RSPO2: variants seen among roughly 807,000 people sequenced by gnomAD.
RSPO2 encodes the protein R-spondin-2.
Under a neutral mutation model 30.9 loss-of-function variants are expected in RSPO2, and 14 were observed. That is an observed-to-expected ratio of 0.45 (90% CI 0.30 to 0.71). RSPO2 has a LOEUF of 0.71. Among genes scored for constraint, RSPO2 ranks in the 30% least tolerant of loss-of-function variants. The pLI is 0.08. For missense variants in RSPO2, 264 were observed against 301.9 expected, an observed-to-expected ratio of 0.87 and a Z score of 0.93; for synonymous variants, 107 against 96.4, an observed-to-expected ratio of 1.11 and a Z score of -0.64.
At chr8:108,008,005 G>A (rs1815511226) in intron 2 of RSPO2, among the ~76,000 whole-genome samples, 1 of 152,028 alleles carries the variant, frequency 6.6e-6, no homozygotes, top group Non-Finnish European at 1.5e-5. Context: ...AAAAAACAGA[G>A]CTAATCACTA....
intron 3 of RSPO2, among the ~76,000 whole-genome samples, chr8:107,962,802 C>T (rs1263656712): frequency 6.6e-6 from 1 of 151,994 alleles, no homozygotes; most frequent in Non-Finnish European, 1.5e-5. Flanking sequence ...AAAAAAAGCT[C>T]TTCTACTTAA....
At chr8:107,954,528 CT>C (rs948929619) in intron 5 of RSPO2, among the ~76,000 whole-genome samples, 1 of 152,120 alleles carries the variant, frequency 6.6e-6, no homozygotes, top group African/African-American at 2.4e-5. Flanking sequence ...GTCATTCACT[CT>C]TTTTTTCCAC....
chr8:108,045,214 C>T (rs1811876090), intron 2 of RSPO2, among the ~76,000 whole-genome samples: 1 of 151,926 alleles, frequency 6.6e-6, no homozygotes, highest in African/African-American at 2.4e-5. Flanking sequence ...CTATGAGGAA[C>T]TTAAACAATT....
chr8:108,053,104 G>T (rs561104687), intron 2 of RSPO2, among the ~76,000 whole-genome samples: 1 of 152,194 alleles, frequency 6.6e-6, no homozygotes, highest in South Asian at 2.1e-4. Flanking sequence ...TCAACTGGGG[G>T]ACTGAGTGTA....
At chr8:107,930,412 C>T (rs1008862779) in intron 5 of RSPO2, among the ~76,000 whole-genome samples, 2 of 152,176 alleles carry the variant, frequency 1.3e-5, no homozygotes, top group Admixed American at 6.5e-5. Context: ...TTAAATTTCA[C>T]AGGCTCTATT....
intron 3 of RSPO2, among the ~76,000 whole-genome samples, chr8:107,969,830 G>A (rs1813934863): frequency 6.6e-6 from 1 of 151,964 alleles, no homozygotes; most frequent in African/African-American, 2.4e-5. Context: ...CTCTCATCTT[G>A]GTTACTTCTT....
chr8:107,995,007 A>G (rs1050721198), intron 2 of RSPO2, among the ~76,000 whole-genome samples: 1 of 152,096 alleles, frequency 6.6e-6, no homozygotes, highest in Non-Finnish European at 1.5e-5. Context: ...ACAGCCTCTC[A>G]TCCAGGAAGT....
chr8:108,017,809 A>G (rs1454914677), intron 2 of RSPO2, among the ~76,000 whole-genome samples: 1 of 152,248 alleles, frequency 6.6e-6, no homozygotes, highest in African/African-American at 2.4e-5. Context: ...TATGGAAATA[A>G]AGAAATTTCT....
At chr8:108,017,041 G>C (rs1347246468) in intron 2 of RSPO2, among the ~76,000 whole-genome samples, 1 of 149,604 alleles carries the variant, frequency 6.7e-6, no homozygotes, top group East Asian at 2.0e-4. Flanking sequence ...TTTTGAGACA[G>C]AGTTTCACTC....
rs139566515 is a variant in RSPO2, at chr8:107,906,422, C to T, written c.617-5232G>A. Among the ~76,000 whole-genome samples the T allele has an allele frequency of 8.8e-3, 984 of 112,090 alleles. 13 individuals are homozygous for T. Among genetic ancestry groups the T allele is most frequent in the African/African-American group, 0.026 (919 of 35,258 alleles). 73.5% of individuals were successfully genotyped at this position (112,090 alleles called of 152,430 possible). ...TTATATTTTATATTTTAAGTAATAA[C>T]AATTAACTTTATATCCAGGAATACT... On this transcript the variant is annotated intron_variant, in intron 5 of 5. Transcript: ENST00000276659.
chr8:108,053,849 A>G (rs1195748476), intron 2 of RSPO2, among the ~76,000 whole-genome samples: 1 of 152,150 alleles, frequency 6.6e-6, no homozygotes, highest in Admixed American at 6.5e-5. Flanking sequence ...AGTGAATACC[A>G]TATACTTAAG....
At chr8:108,040,239 A>C (rs1330298896) in intron 2 of RSPO2, among the ~76,000 whole-genome samples, 2 of 152,176 alleles carry the variant, frequency 1.3e-5, no homozygotes, top group African/African-American at 2.4e-5. Context: ...ACCAACCAGA[A>C]GGTTGTATAA....
chr8:108,043,161 T>C (rs1004732273), intron 2 of RSPO2, among the ~76,000 whole-genome samples: 2 of 152,180 alleles, frequency 1.3e-5, no homozygotes, highest in African/African-American at 4.8e-5. Flanking sequence ...AGAGCAATTA[T>C]GGAACAGCAA....
At chr8:108,061,303 A>G (rs919554750) in intron 2 of RSPO2, among the ~76,000 whole-genome samples, 2 of 151,900 alleles carry the variant, frequency 1.3e-5, no homozygotes, top group African/African-American at 4.9e-5. Context: ...TCATGTGCAG[A>G]GACACACATG....
chr8:107,980,571 A>G (rs1330942738), intron 3 of RSPO2, among the ~76,000 whole-genome samples: 1 of 152,226 alleles, frequency 6.6e-6, no homozygotes, highest in Non-Finnish European at 1.5e-5. Context: ...AAGTGTAATC[A>G]GAATACAGTC....
At chr8:108,063,944 A>C (rs1046304270) in intron 2 of RSPO2, among the ~76,000 whole-genome samples, 12 of 152,228 alleles carry the variant, frequency 7.9e-5, no homozygotes, top group Non-Finnish European at 1.6e-4. Context: ...TTCCCTATTT[A>C]ATAAATGGTG....
chr8:107,980,927 T>A (rs1170673337), intron 3 of RSPO2, among the ~76,000 whole-genome samples: 2 of 152,204 alleles, frequency 1.3e-5, no homozygotes, highest in African/African-American at 2.4e-5. Context: ...TAATTCTGTA[T>A]CAGTTTCATA....
At chr8:108,076,289 C>T (rs1813011210) in intron 2 of RSPO2, among the ~76,000 whole-genome samples, 2 of 152,176 alleles carry the variant, frequency 1.3e-5, no homozygotes. Flanking sequence ...ATAGAAAAGG[C>T]TGGTGTTTAT....
chr8:108,065,133 C>G (rs938427032), intron 2 of RSPO2, among the ~76,000 whole-genome samples: 1 of 151,248 alleles, frequency 6.6e-6, no homozygotes, highest in Non-Finnish European at 1.5e-5. Flanking sequence ...AACGAACCTG[C>G]GCATTGTGCA....
Sources: allele counts gnomAD v4.1 joint callset (sites outside exome capture counted in the v4.1 genomes callset), GRCh38; gene constraint gnomAD v4.1.1; transcripts MANE v1.5; gene names NCBI Gene and HGNC (gene_info 2026-07-23, HGNC 2026-07-21).